BBS9: variants seen among roughly 807,000 people sequenced by gnomAD.
BBS9 encodes the protein Bardet-Biedl syndrome 9, also known as protein PTHB1.
Under a neutral mutation model 117.7 loss-of-function variants are expected in BBS9, and 89 were observed. The observed-to-expected ratio is 0.76, with a 90% CI of 0.64 to 0.90. The LOEUF is 0.90. Among genes scored for constraint, BBS9 ranks in the 40% least tolerant of loss-of-function variants. The probability of loss-of-function intolerance (pLI) is 0.00; values close to 1 mark genes in which losing one functional copy is unlikely to be tolerated. For missense variants in BBS9, 982 were observed against 1,042.2 expected (o/e 0.94, Z 0.80); for synonymous variants, 379 against 370.9 (o/e 1.02, Z -0.25).
At chr7:33,150,912 C>T (rs928842587) in intron 2 of BBS9, among the ~76,000 whole-genome samples, 2 of 152,188 alleles carry the variant, frequency 1.3e-5, no homozygotes, top group Non-Finnish European at 1.5e-5. Flanking sequence ...TCAGGAGTCA[C>T]ATGGCAGATT....
intron 9 of BBS9, among the ~76,000 whole-genome samples, chr7:33,283,937 C>G (rs959044040): frequency 1.3e-5 from 2 of 152,132 alleles, no homozygotes; most frequent in Admixed American, 1.3e-4. Context: ...GTGAGTGTCA[C>G]AGAAGCCCCT....
chr7:33,437,162 A>G (rs373836866), intron 19 of BBS9, among the ~76,000 whole-genome samples: 3 of 152,226 alleles, frequency 2.0e-5, no homozygotes, highest in African/African-American at 7.2e-5. Flanking sequence ...ATCCTTGTCT[A>G]GAAGGGTAAT....
chr7:33,540,752 T>A (rs985205825), intron 21 of BBS9, among the ~76,000 whole-genome samples: 2 of 152,212 alleles, frequency 1.3e-5, no homozygotes, highest in Non-Finnish European at 2.9e-5. Flanking sequence ...CGTGTTTGTA[T>A]TTCAGTTCTC....
At chr7:33,295,937 G>A (rs1029711283) in intron 9 of BBS9, among the ~76,000 whole-genome samples, 5 of 151,802 alleles carry the variant, frequency 3.3e-5, no homozygotes, top group African/African-American at 9.7e-5. Context: ...AATAAAAGGT[G>A]GAATATATAA....
intron 19 of BBS9, among the ~76,000 whole-genome samples, chr7:33,401,259 G>C (rs1241968727): frequency 1.3e-5 from 2 of 152,204 alleles, no homozygotes; most frequent in Non-Finnish European, 2.9e-5. Context: ...GGAAGTGATA[G>C]ATTTTCATGG....
intron 9 of BBS9, among the ~76,000 whole-genome samples, chr7:33,298,225 T>C (rs949054538): frequency 2.6e-5 from 4 of 152,074 alleles, no homozygotes; most frequent in East Asian, 1.9e-4. Context: ...TGGGGTATTA[T>C]AAAGGTTAAA....
chr7:33,401,181 T>G (rs1041724405), intron 19 of BBS9, among the ~76,000 whole-genome samples: 2 of 152,228 alleles, frequency 1.3e-5, no homozygotes, highest in African/African-American at 4.8e-5. Context: ...CACTTAATAT[T>G]CTTTTTCAGT....
At chr7:33,285,386 GAGTT>G (rs1377198981) in intron 9 of BBS9, among the ~76,000 whole-genome samples, 1 of 152,094 alleles carries the variant, frequency 6.6e-6, no homozygotes, top group Non-Finnish European at 1.5e-5. Context: ...AACTTAACAT[GAGTT>G]ATGGGGGATG....
chr7:33,469,956 A>G (rs1428628243), intron 19 of BBS9, among the ~76,000 whole-genome samples: 1 of 152,116 alleles, frequency 6.6e-6, no homozygotes, highest in Non-Finnish European at 1.5e-5. Flanking sequence ...GAGCACATTT[A>G]AGTTTTCTTT....
At chr7:33,610,477 G>A (rs1864800688), downstream of BBS9, among the ~76,000 whole-genome samples, 1 of 152,116 alleles carries the variant, frequency 6.6e-6, no homozygotes, top group African/African-American at 2.4e-5. Context: ...AGGAAGCAAT[G>A]CTGTTCTTTG....
intron 9 of BBS9, among the ~76,000 whole-genome samples, chr7:33,319,725 A>C (rs1456122458): frequency 6.6e-6 from 1 of 152,210 alleles, no homozygotes; most frequent in Non-Finnish European, 1.5e-5. Flanking sequence ...AATTAAACTA[A>C]AGAGCTTCTG....
chr7:33,355,888 A>AT (rs913680753), intron 15 of BBS9, among the ~76,000 whole-genome samples: 1 of 151,726 alleles, frequency 6.6e-6, no homozygotes, highest in Non-Finnish European at 1.5e-5. Context: ...ATTATATTTA[A>AT]TTTTTTTTAA....
intron 19 of BBS9, among the ~76,000 whole-genome samples, chr7:33,415,513 C>G (rs1831848901): frequency 6.6e-6 from 1 of 152,184 alleles, no homozygotes; most frequent in African/African-American, 2.4e-5. Context: ...CCTAACCACA[C>G]TATAAATTCA....
intron 21 of BBS9, among the ~76,000 whole-genome samples, chr7:33,628,553 A>G (rs1313713217): frequency 6.6e-6 from 1 of 152,242 alleles, no homozygotes; most frequent in Non-Finnish European, 1.5e-5. Flanking sequence ...GATAAAGGGC[A>G]TTTATGAAAA....
chr7:33,581,561 A>G (rs141693523), intron 21 of BBS9, among the ~76,000 whole-genome samples: 58 of 152,312 alleles, frequency 3.8e-4, no homozygotes, highest in African/African-American at 1.3e-3. Context: ...AACAGCCTTC[A>G]GTAGTAACAA....
intron 14 of BBS9, 46 bp downstream of exon 14, chr7:33,351,369 A>G (rs1001116272): frequency 7.8e-7 from 1 of 1,281,480 alleles, no homozygotes; most frequent in Non-Finnish European, 1.1e-6. Context: ...TGGAGTTATG[A>G]GTAAAATGCT....
In BBS9 at chr7:33,532,538, G is replaced by A. The variant is rs551529983; in HGVS notation, c.2299-1416G>A. Among the ~76,000 whole-genome samples, 91 of 152,220 alleles carry A rather than the reference G, an allele frequency of 6.0e-4. 2 individuals are homozygous for A. In the South Asian group the frequency reaches 0.018, roughly 30 times the overall value. ...GAGAATGAGTGCCAGCAGGGGAGAT[G>A]CCAGATGCTTATTAAACCATCAGAT... On this transcript the variant is annotated intron_variant, in intron 20 of 22. Coordinates refer to ENST00000242067, the MANE Select transcript of BBS9 (RefSeq NM_198428.3).
At chr7:33,134,745 C>T (rs1379521916) in intron 1 of BBS9, among the ~76,000 whole-genome samples, 1 of 152,118 alleles carries the variant, frequency 6.6e-6, no homozygotes, top group African/African-American at 2.4e-5. Context: ...TATAGGCACA[C>T]ACAACCATGC....
At chr7:33,507,787 C>T (rs1310641364) in intron 20 of BBS9, among the ~76,000 whole-genome samples, 1 of 152,126 alleles carries the variant, frequency 6.6e-6, no homozygotes, top group African/African-American at 2.4e-5. Context: ...ACATAATTTG[C>T]AAGGCCTAGT....
Sources: gnomAD v4.1 joint callset for allele counts (sites outside exome capture counted in the v4.1 genomes callset) on GRCh38, gnomAD v4.1.1 for gene constraint, MANE v1.5 for transcripts, NCBI Gene and HGNC (gene_info 2026-07-23, HGNC 2026-07-21) for gene names.